Variants in GLIS1 observed in about 807,000 individuals in gnomAD.
GLIS1 encodes the protein GLIS family zinc finger 1, also known as zinc finger protein GLIS1.
Under a neutral mutation model 63.8 loss-of-function variants are expected in GLIS1, and 24 were observed. The observed-to-expected ratio is 0.38, with a 90% CI of 0.27 to 0.53. The LOEUF is 0.53. GLIS1 is among the 20% of genes least tolerant of loss of function. The pLI is 0.85. For missense variants in GLIS1, 1,036 were observed against 1,074.1 expected (o/e 0.96, Z 0.50); for synonymous variants, 450 against 482.5 (o/e 0.93, Z 0.88).
At chr1:53,670,117 A>C (rs757826124) in intron 2 of GLIS1, among the ~76,000 whole-genome samples, 1 of 152,200 alleles carries the variant, frequency 6.6e-6, no homozygotes, top group Non-Finnish European at 1.5e-5. Flanking sequence ...CTATTTCTGG[A>C]CTGGACCACT....
At chr1:53,618,751 A>G (rs574836880) in intron 2 of GLIS1, among the ~76,000 whole-genome samples, 3 of 152,302 alleles carry the variant, frequency 2.0e-5, no homozygotes, top group East Asian at 3.9e-4. Context: ...AAGCCTGTCC[A>G]TGAGACCATA....
At chr1:53,510,057 G>A in intron 8 of GLIS1, 30 bp from the exon 9 acceptor site, 2 of 1,240,028 alleles carry the variant, frequency 1.6e-6, no homozygotes, top group Non-Finnish European at 2.0e-6. Flanking sequence ...CCATCAGCAG[G>A]CAGGGGTCTG....
chr1:53,682,608 G>A (rs1646287910), intron 2 of GLIS1, among the ~76,000 whole-genome samples: 1 of 152,238 alleles, frequency 6.6e-6, no homozygotes, highest in Non-Finnish European at 1.5e-5. Flanking sequence ...TGTCTGAACT[G>A]ATTCTTCAGG....
chr1:53,554,679 G>T (rs1268917464), intron 4 of GLIS1, among the ~76,000 whole-genome samples: 7 of 151,922 alleles, frequency 4.6e-5, no homozygotes, highest in African/African-American at 1.2e-4. Flanking sequence ...GTGTGGATGG[G>T]GGTCACAGCA....
chr1:53,572,818 G>A (rs959074513), intron 4 of GLIS1, among the ~76,000 whole-genome samples: 1 of 152,224 alleles, frequency 6.6e-6, no homozygotes, highest in Non-Finnish European at 1.5e-5. Context: ...GGCAAGGGAG[G>A]AGGGTCAGTG....
rs1646194093 is a variant in GLIS1 at position 53,674,760 on chromosome 1, G to A, written c.259+63046C>T. 1.3e-5 allele frequency among the ~76,000 whole-genome samples: 2 copies of A among 152,182 alleles called. 1 individual carries two copies. Among genetic ancestry groups the A allele is most frequent in the South Asian group, 4.1e-4 (2 of 4,822 alleles). On this transcript the variant is annotated intron_variant, in intron 2 of 10. Coordinates refer to ENST00000628545, the MANE Select transcript of GLIS1 (RefSeq NM_001367484.1). ...GGCTGATCCAGAGGCCCCTGGGATT[G>A]AGCTGAAGTCATTCACATAAGGGAT...
At chr1:53,600,040 T>G (rs1436943829) in intron 3 of GLIS1, 61 bp downstream of exon 3, 2 of 966,082 alleles carry the variant, frequency 2.1e-6, no homozygotes, top group East Asian at 3.3e-5. Flanking sequence ...AGGTGAGGCC[T>G]GAGGCCCATG....
chr1:53,583,338 ACTT>A (rs1645104534), intron 4 of GLIS1, among the ~76,000 whole-genome samples: 1 of 152,206 alleles, frequency 6.6e-6, no homozygotes, highest in African/African-American at 2.4e-5. Flanking sequence ...TACAAATGTT[ACTT>A]TTGGCTTGAA....
Position 53,539,430 on chromosome 1 carries a change from CCAT to C in GLIS1, c.1321-9481_1321-9479del, listed in dbSNP as rs1000625090. Reference sequence around the variant, plus strand: ...CATGAATGCACACCCCACACACACACCATACCACACATCACAGCACACCCCCAA... The same window carrying C: ...CATGAATGCACACCCCACACACACACACCACACATCACAGCACACCCCCAA... On this transcript the variant is annotated intron_variant, in intron 4 of 10. Transcript: ENST00000628545. This position sits in a 1 kb window ranked among gnomAD's most constrained non-coding sequence, Gnocchi z 5.0. 6.6e-6 allele frequency among the ~76,000 whole-genome samples: 1 copy of C among 151,140 alleles called. No homozygotes were observed. Among genetic ancestry groups the C allele is most frequent in the Non-Finnish European group, 1.5e-5 (1 of 67,752 alleles).
In GLIS1 at chr1:53,682,937, G is replaced by A. The variant is rs564955103; in HGVS notation, c.259+54869C>T. Among the ~76,000 whole-genome samples, 3 of 152,162 alleles carry A rather than the reference G, an allele frequency of 2.0e-5. No homozygotes were observed. The South Asian group carries it at 6.2e-4, about 32-fold the overall frequency. ...GATCAACTCTGTTAGAGGCACGAAG[G>A]GGGTATACATAGGAGAGGAATCAGG... On this transcript the variant is annotated intron_variant, in intron 2 of 10. Coordinates refer to ENST00000628545, the MANE Select transcript of GLIS1 (RefSeq NM_001367484.1).
At chr1:53,726,185 T>C (rs1646803736) in intron 2 of GLIS1, among the ~76,000 whole-genome samples, 1 of 152,108 alleles carries the variant, frequency 6.6e-6, no homozygotes. Context: ...TGGGTAACAT[T>C]GGACCCAAGG....
intron 2 of GLIS1, among the ~76,000 whole-genome samples, chr1:53,691,343 A>T (rs1252808250): frequency 6.6e-6 from 1 of 152,002 alleles, no homozygotes. Context: ...TCATCTCATC[A>T]TCCCCCCTCC....
intron 4 of GLIS1, among the ~76,000 whole-genome samples, chr1:53,545,573 G>A (rs983674459): frequency 6.6e-6 from 1 of 152,164 alleles, no homozygotes; most frequent in Non-Finnish European, 1.5e-5. Flanking sequence ...TATACACACA[G>A]AGAGCAGCCT....
intron 2 of GLIS1, among the ~76,000 whole-genome samples, chr1:53,665,554 G>A (rs1054137052): frequency 6.6e-6 from 1 of 152,152 alleles, no homozygotes; most frequent in Non-Finnish European, 1.5e-5. Flanking sequence ...GAGGCTGAGG[G>A]AGGAGGATCG....
intron 2 of GLIS1, among the ~76,000 whole-genome samples, chr1:53,687,213 G>A (rs1646346628): frequency 1.3e-5 from 2 of 152,202 alleles, no homozygotes; most frequent in South Asian, 4.1e-4. Context: ...CTTGGAAGGG[G>A]CCGCTTGCCT....
At chr1:53,670,651 C>G (rs1051300847) in intron 2 of GLIS1, among the ~76,000 whole-genome samples, 2 of 152,216 alleles carry the variant, frequency 1.3e-5, no homozygotes, top group Non-Finnish European at 2.9e-5. Context: ...TGCTGGGTCT[C>G]CCTGAGTTCC....
intron 2 of GLIS1, among the ~76,000 whole-genome samples, chr1:53,730,197 G>A (rs779580971): frequency 1.3e-5 from 2 of 152,160 alleles, no homozygotes; most frequent in Admixed American, 1.3e-4. Context: ...AAAAAACTCC[G>A]TAACTTTCTC....
In GLIS1 at chr1:53,706,010, T is replaced by C. The variant is rs552708076; in HGVS notation, c.259+31796A>G. ...CTCTGGAATCAGAAGGACTGGATTC[T>C]GCTGCCATCCTCTATGTGCAGTGAC... is the stretch of plus-strand genomic sequence containing the variant. On this transcript the variant is annotated intron_variant, in intron 2 of 10. Transcript: ENST00000628545. Among the ~76,000 whole-genome samples the C allele has an allele frequency of 2.6e-5, 4 of 152,338 alleles. No individual in the cohort carries two copies. In the South Asian group the frequency reaches 6.2e-4, roughly 24 times the overall value.
intron 2 of GLIS1, among the ~76,000 whole-genome samples, chr1:53,693,357 C>T (rs964771891): frequency 7.1e-6 from 1 of 140,818 alleles, no homozygotes; most frequent in African/African-American, 2.8e-5. Flanking sequence ...CTCAGAAGAT[C>T]CATCTTCCCT....
Sources: allele counts gnomAD v4.1 joint callset (sites outside exome capture counted in the v4.1 genomes callset), GRCh38; gene constraint gnomAD v4.1.1; non-coding constraint Gnocchi (gnomAD v3.1); transcripts MANE v1.5; gene names NCBI Gene and HGNC (gene_info 2026-07-23, HGNC 2026-07-21).